Variants in ATG10 observed in about 807,000 individuals in gnomAD.
The protein encoded by ATG10 is ubiquitin-like-conjugating enzyme ATG10.
A neutral mutation model predicts 32.1 loss-of-function variants in ATG10; 30 were observed. That is an observed-to-expected ratio of 0.94 (90% confidence interval 0.70 to 1.27). The LOEUF (loss-of-function observed/expected upper bound fraction) is 1.27. Among genes scored for constraint, ATG10 ranks in the 50% most tolerant of loss-of-function variants. The pLI is 0.00. For missense variants in ATG10, 233 were observed against 262.3 expected (o/e 0.89, Z 0.77); for synonymous variants, 87 against 91.5 (o/e 0.95, Z 0.28).
chr5:82,127,978 A>C (rs1766349535), intron 3 of ATG10, among the ~76,000 whole-genome samples: 1 of 152,016 alleles, frequency 6.6e-6, no homozygotes, highest in Non-Finnish European at 1.5e-5. Context: ...TATTGGGTGC[A>C]TATATATTTA....
At chr5:81,990,612 A>C (rs1413273466) in intron 2 of ATG10, among the ~76,000 whole-genome samples, 2 of 152,220 alleles carry the variant, frequency 1.3e-5, no homozygotes, top group African/African-American at 4.8e-5. Context: ...GGGATGTGTA[A>C]GTCTAGCCTT....
chr5:82,074,672 C>T (rs368763450), intron 3 of ATG10, among the ~76,000 whole-genome samples: 3 of 152,162 alleles, frequency 2.0e-5, no homozygotes, highest in South Asian at 2.1e-4. Flanking sequence ...TTATTCTCCA[C>T]GGTACCTAAT....
chr5:82,252,805 G>A, intron 6 of ATG10, 146 bp downstream of exon 6: 1 of 588,266 alleles, frequency 1.7e-6, no homozygotes, highest in South Asian at 2.3e-5. Context: ...GCTAGATGCT[G>A]TTCTAAGAGT....
intron 2 of ATG10, among the ~76,000 whole-genome samples, chr5:82,030,930 T>G (rs1762726237): frequency 6.6e-6 from 1 of 151,664 alleles, no homozygotes; most frequent in Non-Finnish European, 1.5e-5. Flanking sequence ...TATCATCTCA[T>G]TTTTGCTTGT....
chr5:82,088,622 T>C (rs969127346), intron 3 of ATG10, among the ~76,000 whole-genome samples: 2 of 152,156 alleles, frequency 1.3e-5, no homozygotes, highest in Admixed American at 6.6e-5. Flanking sequence ...GCCCTGGAGA[T>C]GACATTTAAA....
intron 3 of ATG10, among the ~76,000 whole-genome samples, chr5:82,102,298 TTCACAG>T (rs1376320667): frequency 6.6e-6 from 1 of 152,152 alleles, no homozygotes; most frequent in Non-Finnish European, 1.5e-5. Flanking sequence ...TGGATTTGTA[TTCACAG>T]TCCTCTAATT....
chr5:82,079,430 A>G (rs954071315), intron 3 of ATG10, among the ~76,000 whole-genome samples: 5 of 151,710 alleles, frequency 3.3e-5, no homozygotes, highest in Admixed American at 3.3e-4. Context: ...GGTTTGTTAC[A>G]TATGTATACA....
chr5:82,005,234 C>T (rs1761959811), intron 2 of ATG10, among the ~76,000 whole-genome samples: 1 of 152,086 alleles, frequency 6.6e-6, no homozygotes, highest in Non-Finnish European at 1.5e-5. Context: ...ATATATGCTT[C>T]CTTTTGTCTC....
intron 3 of ATG10, among the ~76,000 whole-genome samples, chr5:82,099,482 CAT>C (rs1765185766): frequency 6.6e-6 from 1 of 151,864 alleles, no homozygotes. Context: ...TTTATAGACA[CAT>C]AGAACTCTTA....
intron 5 of ATG10, among the ~76,000 whole-genome samples, chr5:82,239,595 G>T (rs1250024875): frequency 6.6e-6 from 1 of 152,162 alleles, no homozygotes; most frequent in East Asian, 1.9e-4. Flanking sequence ...AGAGAGAACA[G>T]CATGTGCAAA....
chr5:82,220,678 G>A (rs572620346), intron 5 of ATG10, among the ~76,000 whole-genome samples: 4 of 151,012 alleles, frequency 2.6e-5, no homozygotes, highest in Admixed American at 2.0e-4. Flanking sequence ...CGCCTAGGCT[G>A]GAGTGCAGTA....
At chr5:82,029,925 A>G (rs1488193465) in intron 2 of ATG10, among the ~76,000 whole-genome samples, 1 of 152,186 alleles carries the variant, frequency 6.6e-6, no homozygotes, top group Non-Finnish European at 1.5e-5. Flanking sequence ...GGTTAGTAAT[A>G]GTACCAATTT....
At chr5:82,139,366 C>G (rs1217390354) in intron 3 of ATG10, among the ~76,000 whole-genome samples, 2 of 149,092 alleles carry the variant, frequency 1.3e-5, no homozygotes, top group African/African-American at 2.5e-5. Flanking sequence ...GGAGCGTCTC[C>G]GCCCGGCCCC....
intron 3 of ATG10, among the ~76,000 whole-genome samples, chr5:82,120,235 A>T (rs1238508307): frequency 6.6e-6 from 1 of 152,174 alleles, no homozygotes; most frequent in Non-Finnish European, 1.5e-5. Flanking sequence ...ACTTGTTGCA[A>T]TTATATGCAA....
chr5:82,043,619 T>G (rs1561270208), intron 2 of ATG10, among the ~76,000 whole-genome samples: 1 of 152,246 alleles, frequency 6.6e-6, no homozygotes, highest in Non-Finnish European at 1.5e-5. Flanking sequence ...GACCATCTCT[T>G]CCTTCATGCA....
At chr5:82,033,339 CTTTT>C (rs531673501) in intron 2 of ATG10, among the ~76,000 whole-genome samples, 3 of 138,452 alleles carry the variant, frequency 2.2e-5, no homozygotes, top group African/African-American at 7.9e-5. Context: ...TCTTCTTCTT[CTTTT>C]TTTTTTTTTT....
intron 2 of ATG10, among the ~76,000 whole-genome samples, chr5:82,039,204 T>C (rs532985754): frequency 3.6e-4 from 55 of 152,326 alleles, no homozygotes; most frequent in African/African-American, 1.2e-3. Context: ...TTAGTCATAC[T>C]CAGAAAAGGG....
At chr5:82,243,816 G>A (rs1746905168) in intron 5 of ATG10, among the ~76,000 whole-genome samples, 1 of 152,102 alleles carries the variant, frequency 6.6e-6, no homozygotes, top group African/African-American at 2.4e-5. Flanking sequence ...ATGTAGAACA[G>A]TGTAGCCAAC....
intron 3 of ATG10, among the ~76,000 whole-genome samples, chr5:82,084,852 C>G (rs778380091): frequency 1.1e-4 from 16 of 152,154 alleles, no homozygotes; most frequent in Non-Finnish European, 2.1e-4. Flanking sequence ...TGGAAAGGAA[C>G]AACGGTACCA....
Sources: gnomAD v4.1 joint callset for allele counts (sites outside exome capture counted in the v4.1 genomes callset) on GRCh38, gnomAD v4.1.1 for gene constraint, MANE v1.5 for transcripts, NCBI Gene and HGNC (gene_info 2026-07-23, HGNC 2026-07-21) for gene names.